HCRTR2: variants seen among roughly 807,000 people sequenced by gnomAD.
HCRTR2 encodes hypocretin receptor 2, also known as orexin receptor type 2.
In HCRTR2, 22 loss-of-function variants were observed where a neutral mutation model predicts 49.0. The ratio of observed to expected loss-of-function variants is 0.45; its 90% CI spans 0.32 to 0.64. The LOEUF (loss-of-function observed/expected upper bound fraction) is 0.64, where lower values mean the gene tolerates loss of function less well. Ranked by LOEUF, HCRTR2 falls within the 30% of genes least tolerant of loss-of-function variation. HCRTR2 has a pLI of 0.04. For synonymous variants in HCRTR2, 236 were observed against 205.3 expected, an observed-to-expected ratio of 1.15 and a Z score of -1.28; for missense variants, 491 against 559.4, an observed-to-expected ratio of 0.88 and a Z score of 1.23.
chr6:55,174,020 A>G (rs960216545), upstream of HCRTR2, among the ~76,000 whole-genome samples: 4 of 152,132 alleles, frequency 2.6e-5, no homozygotes, highest in Non-Finnish European at 5.9e-5. Flanking sequence ...ATGTATCAAC[A>G]TGCTCTGTAT....
intron 3 of HCRTR2, among the ~76,000 whole-genome samples, chr6:55,258,314 T>A (rs570231663): frequency 6.6e-6 from 1 of 152,284 alleles, no homozygotes; most frequent in South Asian, 2.1e-4. Flanking sequence ...ATAATTATCC[T>A]ACAACCAATG....
At chr6:55,198,731 TAA>T (rs1051703381) in intron 1 of HCRTR2, among the ~76,000 whole-genome samples, 53 of 152,116 alleles carry the variant, frequency 3.5e-4, no homozygotes, top group African/African-American at 1.2e-3. Context: ...AGGAAAAAAA[TAA>T]AAATGTGTGT....
chr6:55,117,029 G>A (rs1764127800), intron 1 of HCRTR2, among the ~76,000 whole-genome samples: 1 of 151,772 alleles, frequency 6.6e-6, no homozygotes, highest in Non-Finnish European at 1.5e-5. Flanking sequence ...AAACCTACAT[G>A]TACAGTATGA....
chr6:55,134,416 CATTA>C (rs1764406127), intron 1 of HCRTR2, among the ~76,000 whole-genome samples: 1 of 151,622 alleles, frequency 6.6e-6, no homozygotes, highest in African/African-American at 2.4e-5. Flanking sequence ...ATTAAAATTA[CATTA>C]ATTAACGCAT....
intron 1 of HCRTR2, among the ~76,000 whole-genome samples, chr6:55,191,534 T>A (rs1419431016): frequency 1.3e-5 from 2 of 152,222 alleles, no homozygotes; most frequent in African/African-American, 4.8e-5. Context: ...TGTTTCACTA[T>A]ACAAAAACAT....
At chr6:55,218,109 C>A (rs546681324) in intron 1 of HCRTR2, among the ~76,000 whole-genome samples, 1 of 152,152 alleles carries the variant, frequency 6.6e-6, no homozygotes, top group Non-Finnish European at 1.5e-5. Flanking sequence ...TTATAACAGA[C>A]CCACTCTTGA....
intron 1 of HCRTR2, among the ~76,000 whole-genome samples, chr6:55,194,798 G>A (rs963481099): frequency 3.9e-5 from 6 of 151,922 alleles, no homozygotes; most frequent in Non-Finnish European, 8.8e-5. Context: ...AGATCAAAAC[G>A]ATAAGACATT....
chr6:55,161,624 G>A (rs9475184), intron 1 of HCRTR2, among the ~76,000 whole-genome samples: 26,371 of 151,858 alleles, frequency 0.17, 2,593 homozygotes, highest in Non-Finnish European at 0.23. Context: ...GAATTGTATA[G>A]ACACAATAAA....
At position 55,255,357 on chromosome 6, in the gene HCRTR2, G is replaced by T. The variant is rs201870257; in HGVS notation, c.624G>T (p.Thr208=). 4 of 1,613,964 alleles carry T rather than the reference G, an allele frequency of 2.5e-6. No homozygotes were observed. Among genetic ancestry groups the T allele is most frequent in the Non-Finnish European group, 3.4e-6 (4 of 1,179,940 alleles). The change falls in exon 3 of 7, where the codon ACG becomes ACT. Residue 208 remains threonine, a synonymous_variant. Transcript: ENST00000370862. ...TAGCCAATAAAACCACCCTCTTTACGGTGTGTGATGAGCGCTGGGGTGGTA... is the reference window on the plus strand; with the variant it reads ...TAGCCAATAAAACCACCCTCTTTACTGTGTGTGATGAGCGCTGGGGTGGTA... ...PGLANKTTLF[T]VCDERWGGEI...
chr6:55,139,143 G>A (rs1764473291), intron 1 of HCRTR2, among the ~76,000 whole-genome samples: 1 of 152,118 alleles, frequency 6.6e-6, no homozygotes, highest in Admixed American at 6.5e-5. Context: ...GGCTATCCTA[G>A]GGTGAGGAAG....
chr6:55,201,752 C>G (rs767042919), intron 1 of HCRTR2, among the ~76,000 whole-genome samples: 1 of 152,002 alleles, frequency 6.6e-6, no homozygotes, highest in Non-Finnish European at 1.5e-5. Context: ...TCTTGCTTAG[C>G]GAGAAGATAA....
At chr6:55,161,848 T>C (rs1011719509) in intron 1 of HCRTR2, among the ~76,000 whole-genome samples, 9 of 151,760 alleles carry the variant, frequency 5.9e-5, no homozygotes, top group Non-Finnish European at 7.4e-5. Context: ...TTAATAGCGT[T>C]CCAATGAAAA....
intron 1 of HCRTR2, among the ~76,000 whole-genome samples, chr6:55,119,574 T>C (rs1270582813): frequency 6.6e-6 from 1 of 152,156 alleles, no homozygotes; most frequent in Non-Finnish European, 1.5e-5. Context: ...ACTGCATAAA[T>C]GTCTTCTTTT....
chr6:55,271,083 T>C (rs1766964305), intron 4 of HCRTR2, among the ~76,000 whole-genome samples: 1 of 152,106 alleles, frequency 6.6e-6, no homozygotes, highest in Non-Finnish European at 1.5e-5. Flanking sequence ...ATGCAAGGGA[T>C]AGAGAAGAGC....
intron 1 of HCRTR2, among the ~76,000 whole-genome samples, chr6:55,138,631 T>C (rs561020675): frequency 3.3e-5 from 5 of 152,342 alleles, no homozygotes; most frequent in Admixed American, 2.6e-4. Flanking sequence ...TCCTCACCTT[T>C]ACATTTTATT....
intron 1 of HCRTR2, among the ~76,000 whole-genome samples, chr6:55,181,948 A>G (rs981014056): frequency 3.3e-5 from 5 of 152,248 alleles, no homozygotes; most frequent in African/African-American, 1.2e-4. Flanking sequence ...TTAAATACCC[A>G]AAGTTCTTTC....
intron 1 of HCRTR2, among the ~76,000 whole-genome samples, chr6:55,129,622 AT>A (rs1271147147): frequency 6.6e-6 from 1 of 152,020 alleles, no homozygotes; most frequent in East Asian, 1.9e-4. Context: ...TTCCATAAAT[AT>A]TTTTTAGCAC....
intron 1 of HCRTR2, among the ~76,000 whole-genome samples, chr6:55,247,040 G>A (rs1331480818): frequency 6.6e-6 from 1 of 151,898 alleles, no homozygotes; most frequent in Non-Finnish European, 1.5e-5. Flanking sequence ...GTACTATTTG[G>A]ACAATTTATT....
At chr6:55,263,862 C>T in intron 4 of HCRTR2, 40 bp downstream of exon 4, 1 of 1,159,088 alleles carries the variant, frequency 8.6e-7, no homozygotes, top group Non-Finnish European at 1.3e-6. Flanking sequence ...TATTCCTCCA[C>T]ACATAATTTG....
Sources: allele counts gnomAD v4.1 joint callset (sites outside exome capture counted in the v4.1 genomes callset), GRCh38; gene constraint gnomAD v4.1.1; transcripts MANE v1.5; gene names NCBI Gene and HGNC (gene_info 2026-07-23, HGNC 2026-07-21).